Variants in ARHGAP26 observed in about 807,000 individuals in gnomAD.
The protein encoded by ARHGAP26 is Rho GTPase activating protein 26, also known as rho GTPase-activating protein 26.
Under a neutral mutation model 104.8 loss-of-function variants are expected in ARHGAP26, and 38 were observed. That is an observed-to-expected ratio of 0.36 (90% CI 0.28 to 0.48). ARHGAP26 has a LOEUF of 0.48. Among genes scored for constraint, ARHGAP26 ranks in the 20% least tolerant of loss-of-function variants. The probability of loss-of-function intolerance (pLI) is 0.99; values close to 1 mark genes in which losing one functional copy is unlikely to be tolerated. For missense variants in ARHGAP26, 704 were observed against 947.9 expected, an observed-to-expected ratio of 0.74 and a Z score of 3.38; for synonymous variants, 341 against 340.0, an observed-to-expected ratio of 1.00 and a Z score of -0.03.
intron 17 of ARHGAP26, among the ~76,000 whole-genome samples, chr5:143,096,746 T>C (rs1393640688): frequency 1.3e-5 from 2 of 152,152 alleles, no homozygotes; most frequent in African/African-American, 4.8e-5. Context: ...TTGGTATAAC[T>C]TGGTACCACT....
At chr5:142,958,703 C>A (rs1029610735) in intron 11 of ARHGAP26, among the ~76,000 whole-genome samples, 4 of 151,924 alleles carry the variant, frequency 2.6e-5, no homozygotes, top group African/African-American at 7.3e-5. Flanking sequence ...CCTTTTTCAG[C>A]AGCCTTCCTT....
At position 142,894,341 on chromosome 5, in the gene ARHGAP26, T is replaced by A. The variant is rs769612957; in HGVS notation, c.590T>A (p.Val197Glu). ...EVQERKMFEF[V>E]EPLLAFLQGL... ...CAAGAGAGAAAGATGTTTGAGTTTG[T>A]GGAGCCTGTAAGTAGATATTCAGGG... Residue 197 changes from valine (V) to glutamate (E), a missense_variant, in exon 6 of 23, where the codon GTG becomes GAG. By Grantham distance (121) the Val-to-Glu change is moderately radical (BLOSUM62 -2). Around this residue, in one of 6 missense-constraint regions of ARHGAP26, gnomAD observed 16 missense variants for 46.4 expected, o/e 0.34. Coordinates refer to ENST00000645722, the MANE Select transcript of ARHGAP26 (RefSeq NM_001135608.3). 1 of 1,613,520 alleles carries A rather than the reference T, an allele frequency of 6.2e-7. No individual in the cohort carries two copies. Among genetic ancestry groups the A allele is most frequent in the Non-Finnish European group, 8.5e-7 (1 of 1,179,474 alleles).
intron 12 of ARHGAP26, among the ~76,000 whole-genome samples, chr5:143,016,946 C>A (rs557157360): frequency 1.6e-4 from 25 of 152,230 alleles, no homozygotes; most frequent in Admixed American, 4.6e-4. Context: ...GCAAACCCCC[C>A]ATAAGGCTCA....
Position 143,228,164 on chromosome 5 carries a change from T to G in ARHGAP26, c.*5718T>G, listed in dbSNP as rs1811806558. The G allele has an allele frequency of 8.9e-6, 2 of 225,972 alleles. No homozygotes were observed. Among genetic ancestry groups the G allele is most frequent in the African/African-American group, 4.4e-5 (2 of 44,964 alleles). 14.0% of individuals were successfully genotyped at this position (225,972 alleles called of 1,614,324 possible). On this transcript the variant is annotated 3_prime_UTR_variant, in exon 23 of 23. Coordinates refer to ENST00000645722, the MANE Select transcript of ARHGAP26 (RefSeq NM_001135608.3). ...AGTTGTCCAGACACCTAAAAGCAGC[T>G]TTCTTGGTTATCCAGATGCCAGAAT...
chr5:143,015,599 G>A (rs943116523), intron 12 of ARHGAP26, among the ~76,000 whole-genome samples: 1 of 152,174 alleles, frequency 6.6e-6, no homozygotes, highest in East Asian at 1.9e-4. Context: ...GTTTCCCAGA[G>A]GGAAATCAGG....
intron 11 of ARHGAP26, among the ~76,000 whole-genome samples, chr5:142,946,029 A>G (rs1053712507): frequency 1.3e-5 from 2 of 152,190 alleles, no homozygotes; most frequent in Admixed American, 6.5e-5. Context: ...AGAGCATCCT[A>G]TCTCTGTTCC....
At chr5:143,157,034 C>G (rs183468934) in intron 20 of ARHGAP26, among the ~76,000 whole-genome samples, 2 of 152,146 alleles carry the variant, frequency 1.3e-5, no homozygotes, top group Non-Finnish European at 2.9e-5. Context: ...AAAAATAGCT[C>G]TCAGGCTATG....
intron 14 of ARHGAP26, among the ~76,000 whole-genome samples, chr5:143,048,623 G>A (rs1057366437): frequency 2.6e-5 from 4 of 151,020 alleles, no homozygotes; most frequent in East Asian, 4.0e-4. Flanking sequence ...TGCCATAGAA[G>A]ACCTTCCCCA....
chr5:142,900,017 C>T (rs766890588), intron 6 of ARHGAP26, among the ~76,000 whole-genome samples: 36 of 152,166 alleles, frequency 2.4e-4, no homozygotes, highest in Non-Finnish European at 4.6e-4. Context: ...GAATTAACTG[C>T]TTATCTTCTG....
chr5:142,902,118 C>A, intron 7 of ARHGAP26, 79 bp downstream of exon 7: 9 of 1,296,758 alleles, frequency 6.9e-6, no homozygotes, highest in Non-Finnish European at 7.7e-6. Flanking sequence ...TAGAAACCAT[C>A]CAGGTGGCTT....
chr5:142,790,990 C>A (rs1481788780), intron 1 of ARHGAP26, among the ~76,000 whole-genome samples: 2 of 152,108 alleles, frequency 1.3e-5, no homozygotes, highest in Non-Finnish European at 2.9e-5. Context: ...CCTTCTCAAC[C>A]ACTTGACTTT....
chr5:143,127,675 T>G (rs1796876925), intron 18 of ARHGAP26, among the ~76,000 whole-genome samples: 1 of 152,216 alleles, frequency 6.6e-6, no homozygotes, highest in Non-Finnish European at 1.5e-5. Flanking sequence ...TTTGAGTTGA[T>G]TTGGGCCACC....
intron 1 of ARHGAP26, among the ~76,000 whole-genome samples, chr5:142,788,977 G>A (rs1361877126): frequency 6.6e-6 from 1 of 152,258 alleles, no homozygotes; most frequent in Non-Finnish European, 1.5e-5. Flanking sequence ...GAAGCATAGA[G>A]AGATTAAGTG....
chr5:142,851,566 G>A (rs1003357493), intron 1 of ARHGAP26, among the ~76,000 whole-genome samples: 1 of 152,164 alleles, frequency 6.6e-6, no homozygotes, highest in Admixed American at 6.5e-5. Context: ...CAAGAACTGA[G>A]TTTTACCTCA....
Position 143,226,324 on chromosome 5 carries a change from AC to A in ARHGAP26, c.*3879del, listed in dbSNP as rs33954372. Reference sequence around the variant, plus strand: ...GTGAAACCCCGTCTCTACTAAAAATACAAAAAATTAGCCGGGTGTGGTGGCG... The same window carrying A: ...GTGAAACCCCGTCTCTACTAAAAATAAAAAAATTAGCCGGGTGTGGTGGCG... On this transcript the variant is annotated 3_prime_UTR_variant, in exon 23 of 23. Coordinates refer to ENST00000645722, the MANE Select transcript of ARHGAP26 (RefSeq NM_001135608.3). The A allele has an allele frequency of 7.7e-3, 1,351 of 175,262 alleles. 20 individuals are homozygous for A. Among genetic ancestry groups the A allele is most frequent in the African/African-American group, 0.03 (1,286 of 42,242 alleles). The allele number at this position is 175,262 out of a possible 1,614,324, so 10.9% of individuals were successfully genotyped here.
At chr5:142,958,293 G>A (rs908412647) in intron 11 of ARHGAP26, among the ~76,000 whole-genome samples, 10 of 152,118 alleles carry the variant, frequency 6.6e-5, no homozygotes, top group African/African-American at 1.9e-4. Context: ...TTTCAAGATC[G>A]AAAAGCCTCT....
In ARHGAP26 at chr5:142,787,712, A is replaced by T. The variant is rs145716305; in HGVS notation, c.154+16797A>T. Reference sequence around the variant, plus strand: ...GTATTTTTTCTTAGATAACATGATTATATAGACAATACATGTTCATTAGAG... The same window carrying T: ...GTATTTTTTCTTAGATAACATGATTTTATAGACAATACATGTTCATTAGAG... On this transcript the variant is annotated intron_variant, in intron 1 of 22. Coordinates refer to ENST00000645722, the MANE Select transcript of ARHGAP26 (RefSeq NM_001135608.3). Among the ~76,000 whole-genome samples the T allele has an allele frequency of 2.2e-3, 339 of 152,358 alleles. 1 individual carries two copies. The highest frequency in any genetic ancestry group is 7.9e-3 in the African/African-American group (327 of 41,586).
chr5:143,114,938 G>T (rs910285421), intron 17 of ARHGAP26, among the ~76,000 whole-genome samples: 1 of 152,208 alleles, frequency 6.6e-6, no homozygotes, highest in Non-Finnish European at 1.5e-5. Context: ...GCATGATGTT[G>T]TTGGTGTCAT....
At chr5:143,147,159 T>G in intron 19 of ARHGAP26, 72 bp from the exon 20 acceptor site, 1 of 1,496,056 alleles carries the variant, frequency 6.7e-7, no homozygotes, top group Non-Finnish European at 9.1e-7. Context: ...CTTTATACAT[T>G]TTTGTGCATG....
Sources: gnomAD v4.1 joint callset for allele counts (sites outside exome capture counted in the v4.1 genomes callset) on GRCh38, gnomAD v4.1.1 for gene constraint, gnomAD v4.1.1 regional missense constraint, MANE v1.5 for transcripts, NCBI Gene and HGNC (gene_info 2026-07-23, HGNC 2026-07-21) for gene names.